The following XPR1 variants were observed in gnomAD, a reference collection of about 807,000 sequenced individuals.
XPR1 encodes the protein solute carrier family 53 member 1.
A neutral mutation model predicts 87.5 loss-of-function variants in XPR1; 28 were observed. That is an observed-to-expected ratio of 0.32 (90% confidence interval 0.24 to 0.44). The LOEUF (loss-of-function observed/expected upper bound fraction) is 0.44, where lower values mean the gene tolerates loss of function less well. XPR1 is among the 20% of genes least tolerant of loss of function. The probability of loss-of-function intolerance (pLI) is 1.00; values close to 1 mark genes in which losing one functional copy is unlikely to be tolerated. For missense variants in XPR1, 559 were observed against 862.3 expected (o/e 0.65, Z 4.41); for synonymous variants, 300 against 306.1 (o/e 0.98, Z 0.21).
chr1:180,717,868 G>C (rs1270479707), intron 2 of XPR1, among the ~76,000 whole-genome samples: 1 of 152,028 alleles, frequency 6.6e-6, no homozygotes, highest in East Asian at 1.9e-4. Flanking sequence ...TGGTACAAAA[G>C]TAATTGTGTT....
chr1:180,659,943 A>G (rs1655708304), intron 1 of XPR1, among the ~76,000 whole-genome samples: 1 of 152,130 alleles, frequency 6.6e-6, no homozygotes, highest in Non-Finnish European at 1.5e-5. Context: ...TAGGATTGGT[A>G]TTAGTTGTTC....
At chr1:180,801,978 T>G (rs969672984) in intron 3 of XPR1, among the ~76,000 whole-genome samples, 3 of 152,032 alleles carry the variant, frequency 2.0e-5, no homozygotes, top group Admixed American at 2.0e-4. Context: ...GTATTTTTAG[T>G]AGAGACAGGG....
intron 7 of XPR1, among the ~76,000 whole-genome samples, chr1:180,822,815 T>A (rs1302435383): frequency 6.6e-6 from 1 of 152,192 alleles, no homozygotes; most frequent in Non-Finnish European, 1.5e-5. Context: ...ATCGCTAGGA[T>A]TTGAAATCTG....
chr1:180,729,031 T>C (rs182189286), intron 2 of XPR1, among the ~76,000 whole-genome samples: 1 of 152,260 alleles, frequency 6.6e-6, no homozygotes, highest in Non-Finnish European at 1.5e-5. Flanking sequence ...TGTTTGTTGT[T>C]TTCTTTGTGT....
Position 180,760,929 on chromosome 1 carries a change from T to C in XPR1, c.122-26824T>C, listed in dbSNP as rs546232136. On this transcript the variant is annotated intron_variant, in intron 2 of 14. Transcript: ENST00000367590. ...GTACCAAAACAGAGATATAGATCAA[T>C]GGAACAGAACAGAGCCCTCAGAAAT... 3.8e-3 allele frequency among the ~76,000 whole-genome samples: 578 copies of C among 152,124 alleles called. 7 individuals are homozygous for C. The highest frequency in any genetic ancestry group is 0.013 in the African/African-American group (549 of 41,468).
intron 6 of XPR1, among the ~76,000 whole-genome samples, chr1:180,810,132 C>T (rs1031428082): frequency 6.6e-6 from 1 of 152,092 alleles, no homozygotes. Flanking sequence ...CTTGCTATTA[C>T]ATATTTATTT....
intron 7 of XPR1, among the ~76,000 whole-genome samples, chr1:180,812,960 C>A (rs1047443921): frequency 6.6e-6 from 1 of 151,734 alleles, no homozygotes; most frequent in African/African-American, 2.4e-5. Flanking sequence ...GCAGCCATTT[C>A]TTGTTTAGTG....
chr1:180,844,389 A>G (rs1451959103), intron 11 of XPR1, among the ~76,000 whole-genome samples: 1 of 152,214 alleles, frequency 6.6e-6, no homozygotes, highest in African/African-American at 2.4e-5. Context: ...AGAAAATGTC[A>G]TATCTAGGTA....
At chr1:180,658,168 A>G (rs1655604297) in intron 1 of XPR1, among the ~76,000 whole-genome samples, 1 of 152,164 alleles carries the variant, frequency 6.6e-6, no homozygotes, top group Non-Finnish European at 1.5e-5. Flanking sequence ...TTTGTTTAGC[A>G]ATTCTAATAG....
intron 2 of XPR1, among the ~76,000 whole-genome samples, chr1:180,704,800 A>G (rs1174762649): frequency 7.7e-6 from 1 of 129,272 alleles, no homozygotes; most frequent in African/African-American, 2.8e-5. Context: ...CCATTTTTCC[A>G]GGGACTGTTG....
chr1:180,674,216 T>G (rs1450382040), intron 1 of XPR1, among the ~76,000 whole-genome samples: 3 of 152,192 alleles, frequency 2.0e-5, no homozygotes, highest in Non-Finnish European at 4.4e-5. Flanking sequence ...ACAGAGAAGT[T>G]AATTTTCCCA....
chr1:180,880,445 AAT>A, intron 14 of XPR1, 148 bp downstream of exon 14: 1 of 785,890 alleles, frequency 1.3e-6, no homozygotes, highest in Non-Finnish European at 2.1e-6. Flanking sequence ...AATAAGCAGC[AAT>A]TCCATATGAT....
At chr1:180,806,355 A>G in intron 5 of XPR1, 119 bp from the exon 6 acceptor site, 1 of 1,445,808 alleles carries the variant, frequency 6.9e-7, no homozygotes, top group East Asian at 2.4e-5. Context: ...CATTTTCTTT[A>G]TCAGTATATA....
intron 12 of XPR1, among the ~76,000 whole-genome samples, chr1:180,866,781 A>G (rs1652406324): frequency 1.3e-5 from 2 of 151,214 alleles, no homozygotes; most frequent in African/African-American, 2.4e-5. Context: ...ATATAACACT[A>G]TACACATATT....
chr1:180,665,034 G>A (rs893969143), intron 1 of XPR1, among the ~76,000 whole-genome samples: 1 of 152,154 alleles, frequency 6.6e-6, no homozygotes. Context: ...TTCTCACACT[G>A]TTATGAAGAA....
intron 2 of XPR1, among the ~76,000 whole-genome samples, chr1:180,757,675 C>T (rs1647802143): frequency 6.6e-6 from 1 of 151,490 alleles, no homozygotes; most frequent in African/African-American, 2.4e-5. Flanking sequence ...CACCACCATG[C>T]CTGGATAATT....
chr1:180,724,827 TATTA>T (rs1440217319), intron 2 of XPR1, among the ~76,000 whole-genome samples: 1 of 152,228 alleles, frequency 6.6e-6, no homozygotes, highest in Non-Finnish European at 1.5e-5. Flanking sequence ...ATCAATTTAA[TATTA>T]ATTTGTAAAT....
rs867726729 is a variant in XPR1, at chr1:180,661,547, G to T, written c.70-20813G>T. Among the ~76,000 whole-genome samples the T allele has an allele frequency of 4.0e-5, 6 of 150,862 alleles. No homozygotes were observed. In the Middle Eastern group the frequency reaches 0.017, roughly 428 times the overall value. ...ATGTTTTTTGATTTGAGGTTACCATGAGGCTTGTAAATATTATCTAATAAC... is the reference window on the plus strand; with the variant it reads ...ATGTTTTTTGATTTGAGGTTACCATTAGGCTTGTAAATATTATCTAATAAC... On this transcript the variant is annotated intron_variant, in intron 1 of 14. Transcript: ENST00000367590.
intron 1 of XPR1, among the ~76,000 whole-genome samples, chr1:180,642,788 A>G (rs1343815492): frequency 6.6e-6 from 1 of 152,130 alleles, no homozygotes; most frequent in Non-Finnish European, 1.5e-5. Flanking sequence ...AGGAATGACC[A>G]ATTGATTTTG....
Sources: gnomAD v4.1 joint callset for allele counts (sites outside exome capture counted in the v4.1 genomes callset) on GRCh38, gnomAD v4.1.1 for gene constraint, MANE v1.5 for transcripts, NCBI Gene and HGNC (gene_info 2026-07-23, HGNC 2026-07-21) for gene names.